PPFIA3: variants seen among roughly 807,000 people sequenced by gnomAD.
PPFIA3 encodes PPFI scaffold protein A3.
A neutral mutation model predicts 145.8 loss-of-function variants in PPFIA3; 26 were observed. The observed-to-expected ratio is 0.18, with a 90% CI of 0.13 to 0.25. The LOEUF is 0.25. Among genes scored for constraint, PPFIA3 ranks in the 10% least tolerant of loss-of-function variants. The pLI is 1.00. For missense variants in PPFIA3, 1,008 were observed against 1,587.8 expected, an observed-to-expected ratio of 0.63 and a Z score of 6.21; for synonymous variants, 645 against 661.4, an observed-to-expected ratio of 0.98 and a Z score of 0.38.
intron 1 of PPFIA3, among the ~76,000 whole-genome samples, chr19:49,122,998 G>A (rs1476087329): frequency 6.6e-6 from 1 of 151,684 alleles, no homozygotes; most frequent in African/African-American, 2.4e-5. Context: ...TGGGATTACA[G>A]GCAGGAGCCA....
At chr19:49,131,399 G>A (rs2041070814) in intron 7 of PPFIA3, among the ~76,000 whole-genome samples, 1 of 146,142 alleles carries the variant, frequency 6.8e-6, no homozygotes, top group Non-Finnish European at 1.5e-5. Flanking sequence ...TGGCCAGGCT[G>A]GTCTCGAACT....
At chr19:49,146,241 C>T (rs10421292) in intron 23 of PPFIA3, 49 bp downstream of exon 23, 598,427 of 1,599,744 alleles carry the variant, frequency 0.37, 114,365 homozygotes, top group South Asian at 0.45. Flanking sequence ...CTGTGCACGA[C>T]GCATGGATGC....
In PPFIA3 at chr19:49,128,311, A is replaced by G; in HGVS notation, c.241-56A>G. On this transcript the variant is annotated intron_variant, in intron 2 of 29. Transcript: ENST00000334186. The surrounding 1 kb of genome is among the most constrained non-coding windows in gnomAD (Gnocchi z 4.1). Reference sequence around the variant, plus strand: ...TTCAAACTTCCAGTCCCAGTGAATGAAGGAGACAGGGAAAGGATTGAGCCG... The same window carrying G: ...TTCAAACTTCCAGTCCCAGTGAATGGAGGAGACAGGGAAAGGATTGAGCCG... 3.2e-6 allele frequency: 5 copies of G among 1,579,914 alleles called. No homozygotes were observed. Among genetic ancestry groups the G allele is most frequent in the Middle Eastern group, 1.7e-4 (1 of 5,990 alleles).
At chr19:49,121,690 C>T (rs571707402) in intron 1 of PPFIA3, among the ~76,000 whole-genome samples, 8 of 152,214 alleles carry the variant, frequency 5.3e-5, no homozygotes, top group Admixed American at 1.3e-4. Context: ...GCAGGAGAGT[C>T]GTTTGAACCC....
Position 49,128,086 on chromosome 19 carries a change from G to C in PPFIA3, c.213G>C (p.Gln71His). The change falls in exon 2 of 30, where the codon CAG (glutamine) becomes CAC (histidine). Residue 71 changes from glutamine (Q) to histidine (H), a missense_variant. Physicochemically the swap from Gln to His is conservative, Grantham distance 24. Around this residue, in one of 11 missense-constraint regions of PPFIA3, gnomAD observed 108 missense variants for 144.3 expected, o/e 0.75. Transcript: ENST00000334186. This position sits in a 1 kb window ranked among gnomAD's most constrained non-coding sequence, Gnocchi z 4.1. Reference sequence around the variant, plus strand: ...TCGGCCACGAGAAGGACTCGCTGCAGCGCCAGCTCAGCATCGCGCTGCCCC... The same window carrying C: ...TCGGCCACGAGAAGGACTCGCTGCACCGCCAGCTCAGCATCGCGCTGCCCC... ...RELGHEKDSL[Q>H]RQLSIALPQE... 6.3e-7 allele frequency: 1 copy of C among 1,583,908 alleles called. No individual in the cohort carries two copies. Among genetic ancestry groups the C allele is most frequent in the Non-Finnish European group, 8.5e-7 (1 of 1,173,420 alleles).
intron 23 of PPFIA3, 29 bp downstream of exon 23, chr19:49,146,221 C>T (rs554083788): frequency 6.2e-7 from 1 of 1,611,344 alleles, no homozygotes; most frequent in Non-Finnish European, 8.5e-7. Flanking sequence ...GGCGTGAGCG[C>T]ATGAACAGGC....
chr19:49,142,651 T>C (rs1205435700), intron 20 of PPFIA3, among the ~76,000 whole-genome samples, 153 bp from the exon 21 acceptor site: 1 of 140,878 alleles, frequency 7.1e-6, no homozygotes, highest in African/African-American at 2.6e-5. Flanking sequence ...ACGTCTCTTT[T>C]CCTTGTCCTG....
chr19:49,141,577 T>TGA, intron 19 of PPFIA3, 64 bp downstream of exon 19: 1 of 1,296,000 alleles, frequency 7.7e-7, no homozygotes, highest in Non-Finnish European at 1.1e-6. Context: ...TGAGGGTGTG[T>TGA]GTGTGCGTGT....
chr19:49,137,072 G>C, intron 15 of PPFIA3, 161 bp downstream of exon 15: 2 of 629,962 alleles, frequency 3.2e-6, no homozygotes, highest in Non-Finnish European at 5.1e-6. Context: ...CATCCCCTAG[G>C]ATACACTCAG....
intron 20 of PPFIA3, among the ~76,000 whole-genome samples, chr19:49,142,535 TTCTC>T (rs927501462): frequency 1.0e-4 from 15 of 147,960 alleles, no homozygotes; most frequent in Non-Finnish European, 1.6e-4. Flanking sequence ...CTCTATTTCT[TTCTC>T]TCTCTCTCTC....
intron 16 of PPFIA3, among the ~76,000 whole-genome samples, chr19:49,138,983 A>AT (rs1281665050): frequency 1.4e-5 from 2 of 146,514 alleles, no homozygotes; most frequent in East Asian, 4.0e-4. Context: ...AAAAAAAAAA[A>AT]GTTTCTGTGA....
Position 49,128,270 on chromosome 19 carries a change from C to G in PPFIA3, c.241-97C>G. ...AGTGGCAAGGGACAGCGGGACTTAGCAGGGAGGGCGGGACCTTCAAACTTC... is the reference window on the plus strand; with the variant it reads ...AGTGGCAAGGGACAGCGGGACTTAGGAGGGAGGGCGGGACCTTCAAACTTC... On this transcript the variant is annotated intron_variant, in intron 2 of 29. Coordinates refer to ENST00000334186, the MANE Select transcript of PPFIA3 (RefSeq NM_003660.4). The surrounding 1 kb of genome is among the most constrained non-coding windows in gnomAD (Gnocchi z 4.1). 6.6e-7 allele frequency: 1 copy of G among 1,512,442 alleles called. No individual in the cohort carries two copies. Among genetic ancestry groups the G allele is most frequent in the Non-Finnish European group, 9.1e-7 (1 of 1,093,458 alleles). The allele number at this position is 1,512,442 out of a possible 1,614,324, so 93.7% of individuals were successfully genotyped here.
In PPFIA3 at chr19:49,149,828, G is replaced by A; in HGVS notation, c.3526+110G>A. On this transcript the variant is annotated intron_variant, in intron 28 of 29. Transcript: ENST00000334186. This position sits in a 1 kb window ranked among gnomAD's most constrained non-coding sequence, Gnocchi z 5.7. ...GCCTAGTCCTTTCTCGCCCACCCCTGAGGAATGGACTGCTCCAACGTTCCG... is the reference window on the plus strand; with the variant it reads ...GCCTAGTCCTTTCTCGCCCACCCCTAAGGAATGGACTGCTCCAACGTTCCG... 7.4e-7 allele frequency: 1 copy of A among 1,354,496 alleles called. No homozygotes were observed. Among genetic ancestry groups the A allele is most frequent in the Non-Finnish European group, 9.9e-7 (1 of 1,008,326 alleles). 83.9% of individuals were successfully genotyped at this position (1,354,496 alleles called of 1,614,324 possible). A position where few individuals can be genotyped will look rare whatever the true frequency, so the allele number is the denominator to read the frequency against.
At chr19:49,135,291 C>T (rs1170984532) in intron 13 of PPFIA3, among the ~76,000 whole-genome samples, 1 of 152,240 alleles carries the variant, frequency 6.6e-6, no homozygotes, top group East Asian at 1.9e-4. Context: ...ATCCTCCCCC[C>T]TCGGCCTCCC....
chr19:49,146,234 T>C, intron 23 of PPFIA3, 42 bp downstream of exon 23: 1 of 1,606,454 alleles, frequency 6.2e-7, no homozygotes, highest in Non-Finnish European at 8.5e-7. Flanking sequence ...GAACAGGCTG[T>C]GCACGACGCA....
intron 21 of PPFIA3, among the ~76,000 whole-genome samples, chr19:49,143,905 T>C (rs914540734): frequency 2.0e-5 from 3 of 152,220 alleles, no homozygotes; most frequent in Non-Finnish European, 2.9e-5. Context: ...ATGAAATATC[T>C]TGGGGATGGG....
At chr19:49,136,167 A>G (rs1367025654) in intron 14 of PPFIA3, among the ~76,000 whole-genome samples, 3 of 152,046 alleles carry the variant, frequency 2.0e-5, no homozygotes, top group Non-Finnish European at 2.9e-5. Flanking sequence ...GGTGTGTAGA[A>G]TCCCAGAGTA....
chr19:49,142,654 T>C (rs2387770), intron 20 of PPFIA3, 150 bp from the exon 21 acceptor site: 1 of 435,902 alleles, frequency 2.3e-6, no homozygotes, highest in African/African-American at 2.2e-5. Flanking sequence ...TCTCTTTTCC[T>C]TGTCCTGTTT....
chr19:49,136,849 T>C lies in PPFIA3; in HGVS notation c.1791T>C (p.Ala597=), dbSNP rs757454458. The change falls in exon 15 of 30, where the codon GCT becomes GCC. Residue 597 remains alanine (A), a synonymous_variant. Coordinates refer to ENST00000334186, the MANE Select transcript of PPFIA3 (RefSeq NM_003660.4). ...AGCTGCTGTCCCCCAGTGGGCAGGC[T>C]GACGTGCAGACGCTGGCCATCATGC... The part of the protein sequence containing the change: ...GAELLSPSGQ[A]DVQTLAIMLQ... The C allele has an allele frequency of 2.5e-6, 4 of 1,588,360 alleles. No individual in the cohort carries two copies. The highest frequency in any genetic ancestry group is 3.4e-6 in the Non-Finnish European group (4 of 1,167,494).
Sources: gnomAD v4.1 joint callset for allele counts (sites outside exome capture counted in the v4.1 genomes callset) on GRCh38, gnomAD v4.1.1 for gene constraint, gnomAD v4.1.1 regional missense constraint, Gnocchi (gnomAD v3.1) non-coding constraint, MANE v1.5 for transcripts, NCBI Gene and HGNC (gene_info 2026-07-23, HGNC 2026-07-21) for gene names.